The following SGCZ variants were observed in gnomAD, a reference collection of about 807,000 sequenced individuals.
The protein encoded by SGCZ is zeta-sarcoglycan.
In SGCZ, 40 loss-of-function variants were observed where a neutral mutation model predicts 41.3. The observed-to-expected ratio is 0.97, with a 90% CI of 0.75 to 1.26. The LOEUF is 1.26. Among genes scored for constraint, SGCZ ranks in the 50% most tolerant of loss-of-function variants. SGCZ has a pLI of 0.00. For missense variants in SGCZ, 552 were observed against 369.8 expected (o/e 1.49, Z -4.04); for synonymous variants, 206 against 137.5 (o/e 1.50, Z -3.49).
intron 1 of SGCZ, among the ~76,000 whole-genome samples, chr8:15,091,821 C>G (rs138760297): frequency 6.6e-6 from 1 of 152,126 alleles, no homozygotes; most frequent in East Asian, 1.9e-4. Context: ...GTTGTGATCA[C>G]GGCTCACTGC....
intron 1 of SGCZ, among the ~76,000 whole-genome samples, chr8:15,150,920 G>C (rs1397149244): frequency 6.6e-6 from 1 of 152,078 alleles, no homozygotes; most frequent in African/African-American, 2.4e-5. Context: ...TCACACCCTT[G>C]TGTAATTCAT....
Position 15,238,120 on chromosome 8 carries a change from T to A in SGCZ, c.-497A>T, listed in dbSNP as rs1378053769. ...ACTCTGGTAGGTAATTTAGCTCCAGTCCCAGGCATTAGCAATGATCAGTTT... is the reference window on the plus strand; with the variant it reads ...ACTCTGGTAGGTAATTTAGCTCCAGACCCAGGCATTAGCAATGATCAGTTT... On this transcript the variant is annotated 5_prime_UTR_variant, in exon 1 of 8. Coordinates refer to ENST00000382080, the MANE Select transcript of SGCZ (RefSeq NM_139167.4). The A allele has an allele frequency of 6.5e-6, 1 of 153,288 alleles. No homozygotes were observed. Among genetic ancestry groups the A allele is most frequent in the African/African-American group, 2.4e-5 (1 of 41,426 alleles). The allele number at this position is 153,288 out of a possible 1,614,324, so 9.5% of individuals were successfully genotyped here. A position where few individuals can be genotyped will look rare whatever the true frequency, so the allele number is the denominator to read the frequency against.
chr8:14,724,556 GAC>G (rs1168872508), intron 1 of SGCZ, among the ~76,000 whole-genome samples: 1 of 151,540 alleles, frequency 6.6e-6, no homozygotes, highest in Non-Finnish European at 1.5e-5. Context: ...ATATCTGAGA[GAC>G]AATCACTATA....
chr8:14,884,912 C>T (rs957455022), intron 1 of SGCZ, among the ~76,000 whole-genome samples: 6 of 152,106 alleles, frequency 3.9e-5, no homozygotes, highest in Middle Eastern at 3.4e-3. Flanking sequence ...GGCAGACAGG[C>T]GCGTGTGTGT....
Position 14,926,463 on chromosome 8 carries a change from A to G in SGCZ, c.39+311122T>C, listed in dbSNP as rs542624928. On this transcript the variant is annotated intron_variant, in intron 1 of 7. Coordinates refer to ENST00000382080, the MANE Select transcript of SGCZ (RefSeq NM_139167.4). ...AGTATCATCCCTATCAAACATGCAC[A>G]TTTATCACGTAAGCATCTCAGATGT... Among the ~76,000 whole-genome samples the G allele has an allele frequency of 3.3e-5, 5 of 152,070 alleles. No individual in the cohort carries two copies. The South Asian group carries it at 1.0e-3, about 32-fold the overall frequency.
intron 1 of SGCZ, among the ~76,000 whole-genome samples, chr8:14,839,956 G>A (rs1802842379): frequency 6.6e-6 from 1 of 151,960 alleles, no homozygotes; most frequent in South Asian, 2.1e-4. Context: ...CTAATTTGTA[G>A]TATTATGTAA....
At chr8:14,233,062 G>A (rs1806629698) in intron 4 of SGCZ, among the ~76,000 whole-genome samples, 1 of 152,010 alleles carries the variant, frequency 6.6e-6, no homozygotes, top group Non-Finnish European at 1.5e-5. Flanking sequence ...GAATTTAAAT[G>A]AGGAATGCTA....
intron 1 of SGCZ, among the ~76,000 whole-genome samples, chr8:15,032,346 T>A (rs779878086): frequency 2.0e-5 from 3 of 152,152 alleles, no homozygotes; most frequent in Non-Finnish European, 4.4e-5. Context: ...CAGTTTTACA[T>A]GACGCACATC....
rs541673369 is a variant in SGCZ at position 14,421,371 on chromosome 8, T to C, written c.235-97167A>G. Among the ~76,000 whole-genome samples, 10 of 152,276 alleles carry C rather than the reference T, an allele frequency of 6.6e-5. No individual in the cohort carries two copies. In the South Asian group the frequency reaches 1.2e-3, roughly 19 times the overall value. ...AAAAATTTTACTAGAAGTCCCCATG[T>C]CAGAAGAATCACTGTTTTTGTAAAA... On this transcript the variant is annotated intron_variant, in intron 2 of 7. Coordinates refer to ENST00000382080, the MANE Select transcript of SGCZ (RefSeq NM_139167.4).
At position 15,237,743 on chromosome 8, in the gene SGCZ, A is replaced by T; in HGVS notation, c.-120T>A. 2 of 992,454 alleles carry T rather than the reference A, an allele frequency of 2.0e-6. No individual in the cohort carries two copies. The highest frequency in any genetic ancestry group is 1.6e-5 in the African/African-American group (1 of 61,878). The allele number at this position is 992,454 out of a possible 1,614,324, so 61.5% of individuals were successfully genotyped here. A position where few individuals can be genotyped will look rare whatever the true frequency, so the allele number is the denominator to read the frequency against. The stretch of plus-strand genomic sequence containing the variant: ...CCTCCAAGCCCCGGCAGCTCCTCTC[A>T]GTCTCATTCTCCGTGGTCACGCCGC... On this transcript the variant is annotated 5_prime_UTR_variant, in exon 1 of 8. Transcript: ENST00000382080.
intron 1 of SGCZ, among the ~76,000 whole-genome samples, chr8:14,656,539 T>TCTCTGTCTCCCTC: frequency 7.2e-6 from 1 of 138,028 alleles, no homozygotes; most frequent in East Asian, 2.4e-4. Context: ...TCTTTTTTCT[T>TCTCTGTCTCCCTC]TCTTTCCCTT....
chr8:14,555,774 G>A (rs1321099655), intron 1 of SGCZ, among the ~76,000 whole-genome samples: 3 of 151,990 alleles, frequency 2.0e-5, no homozygotes, highest in Admixed American at 2.0e-4. Flanking sequence ...ATATGCTTCA[G>A]TAAAAATATT....
At chr8:14,128,125 A>G (rs2117050797) in intron 5 of SGCZ, among the ~76,000 whole-genome samples, 1 of 152,314 alleles carries the variant, frequency 6.6e-6, no homozygotes, top group East Asian at 1.9e-4. Context: ...AAATGCTTAT[A>G]CACTGCTGGT....
chr8:14,236,145 A>G (rs570353676), intron 4 of SGCZ, among the ~76,000 whole-genome samples: 102 of 152,368 alleles, frequency 6.7e-4, no homozygotes, highest in Non-Finnish European at 1.3e-3. Context: ...TAGTTTCTGC[A>G]GTTCCAACAT....
chr8:14,270,307 G>C (rs1468148779), intron 3 of SGCZ, among the ~76,000 whole-genome samples: 1 of 151,972 alleles, frequency 6.6e-6, no homozygotes, highest in Middle Eastern at 3.2e-3. Flanking sequence ...ACTCCTGCCT[G>C]GGTAACAGAG....
intron 4 of SGCZ, among the ~76,000 whole-genome samples, chr8:14,172,195 T>A (rs1211077315): frequency 6.6e-6 from 1 of 152,132 alleles, no homozygotes; most frequent in East Asian, 1.9e-4. Flanking sequence ...AACAAAGACT[T>A]ATTTTTTGTT....
intron 3 of SGCZ, among the ~76,000 whole-genome samples, chr8:14,300,995 C>T (rs1452923665): frequency 2.6e-5 from 4 of 151,658 alleles, no homozygotes; most frequent in African/African-American, 9.7e-5. Flanking sequence ...CCAGAAAGCT[C>T]GTATATATGA....
intron 1 of SGCZ, among the ~76,000 whole-genome samples, chr8:15,116,681 A>C (rs1807282131): frequency 6.6e-6 from 1 of 152,216 alleles, no homozygotes; most frequent in African/African-American, 2.4e-5. Flanking sequence ...ATAATGGAAA[A>C]GTACTAAGCT....
chr8:14,697,717 C>A (rs185863356), intron 1 of SGCZ, among the ~76,000 whole-genome samples: 1 of 152,088 alleles, frequency 6.6e-6, no homozygotes, highest in African/African-American at 2.4e-5. Context: ...AAAACAATCA[C>A]TGAAAATCCA....
Sources: gnomAD v4.1 joint callset for allele counts (sites outside exome capture counted in the v4.1 genomes callset) on GRCh38, gnomAD v4.1.1 for gene constraint, MANE v1.5 for transcripts, NCBI Gene and HGNC (gene_info 2026-07-23, HGNC 2026-07-21) for gene names.